PCTP: variants seen among roughly 807,000 people sequenced by gnomAD.
PCTP encodes the protein phosphatidylcholine transfer protein.
Under a neutral mutation model 31.0 loss-of-function variants are expected in PCTP, and 27 were observed. That is an observed-to-expected ratio of 0.87 (90% CI 0.64 to 1.20). The LOEUF is 1.20. Ranked by LOEUF, PCTP falls within the 50% of genes most tolerant of loss-of-function variation. The pLI is 0.00. For missense variants in PCTP, 287 were observed against 268.2 expected (o/e 1.07, Z -0.49); for synonymous variants, 108 against 101.2 (o/e 1.07, Z -0.40).
At chr17:55,826,497 T>G (rs1231752117), downstream of PCTP, among the ~76,000 whole-genome samples, 1 of 151,182 alleles carries the variant, frequency 6.6e-6, no homozygotes, top group African/African-American at 2.4e-5. Flanking sequence ...TGATCTGATC[T>G]AAGCCTGGCA....
intron 3 of PCTP, among the ~76,000 whole-genome samples, chr17:55,819,054 A>G (rs1345051479): frequency 1.4e-5 from 2 of 147,028 alleles, no homozygotes; most frequent in Admixed American, 6.7e-5. Context: ...GAAAGAAGAG[A>G]GGAAAAACGG....
chr17:55,838,831 A>C (rs139636454), intron 5 of PCTP, among the ~76,000 whole-genome samples: 38 of 152,330 alleles, frequency 2.5e-4, no homozygotes, highest in African/African-American at 8.4e-4. Context: ...CAGAGCTCAT[A>C]AATGAGCTAT....
downstream of PCTP, among the ~76,000 whole-genome samples, chr17:55,781,943 A>G (rs1308050875): frequency 6.6e-6 from 1 of 151,838 alleles, no homozygotes; most frequent in Non-Finnish European, 1.5e-5. Flanking sequence ...GTGTACATGT[A>G]TGTGTGGAAT....
At chr17:55,819,888 C>A (rs757844602) in intron 3 of PCTP, among the ~76,000 whole-genome samples, 2 of 152,102 alleles carry the variant, frequency 1.3e-5, no homozygotes. Flanking sequence ...AATTGATTTT[C>A]CATGAAGGAG....
intron 3 of PCTP, among the ~76,000 whole-genome samples, chr17:55,808,547 T>G (rs940045431): frequency 6.6e-6 from 1 of 152,222 alleles, no homozygotes; most frequent in East Asian, 1.9e-4. Flanking sequence ...CTTCTTATGC[T>G]TTATTGCAAT....
At chr17:55,812,056 G>C (rs1481043001) in intron 3 of PCTP, among the ~76,000 whole-genome samples, 1 of 152,188 alleles carries the variant, frequency 6.6e-6, no homozygotes, top group African/African-American at 2.4e-5. Flanking sequence ...TTTTACAGAT[G>C]TGGAAGTAGA....
intron 5 of PCTP, among the ~76,000 whole-genome samples, chr17:55,834,133 C>T (rs1905698725): frequency 6.6e-6 from 1 of 152,198 alleles, no homozygotes; most frequent in African/African-American, 2.4e-5. Flanking sequence ...AGCACCCCTA[C>T]TTTCCTCTTG....
chr17:55,781,573 C>T (rs1436777635), downstream of PCTP, among the ~76,000 whole-genome samples: 1 of 152,174 alleles, frequency 6.6e-6, no homozygotes, highest in Non-Finnish European at 1.5e-5. Context: ...CAGTCAACAA[C>T]AGACTGCATT....
At chr17:55,790,930 C>T (rs1321939067) in intron 3 of PCTP, among the ~76,000 whole-genome samples, 1 of 151,430 alleles carries the variant, frequency 6.6e-6, no homozygotes, top group Non-Finnish European at 1.5e-5. Flanking sequence ...GTAACCAAAA[C>T]AGCATGATAC....
chr17:55,838,993 T>TAACAA (rs540191617), intron 5 of PCTP, among the ~76,000 whole-genome samples: 1 of 152,280 alleles, frequency 6.6e-6, no homozygotes, highest in South Asian at 2.1e-4. Flanking sequence ...GGCTCATGGT[T>TAACAA]AACAAAACCA....
intron 5 of PCTP, among the ~76,000 whole-genome samples, chr17:55,839,999 C>T (rs1714419449): frequency 6.7e-6 from 1 of 149,342 alleles, no homozygotes; most frequent in Non-Finnish European, 1.5e-5. Context: ...TATTCCTGTC[C>T]TTAATTTAGT....
chr17:55,831,710 A>T (rs1166679651), intron 5 of PCTP, among the ~76,000 whole-genome samples: 1 of 152,106 alleles, frequency 6.6e-6, no homozygotes, highest in Non-Finnish European at 1.5e-5. Flanking sequence ...TATTTCCCAA[A>T]TTCCTTTGCA....
rs946718835 is a variant in PCTP at position 55,802,673 on chromosome 17, A to G, written c.317+15019A>G. Among the ~76,000 whole-genome samples the G allele has an allele frequency of 2.6e-5, 4 of 152,322 alleles. 1 individual carries two copies. Among genetic ancestry groups the G allele is most frequent in the African/African-American group, 4.8e-5 (2 of 41,574 alleles). ...CTTTGATAACATTCAACACCCTTTCATGCTAAAAACTCTCAATAAACTAGG... is the reference window on the plus strand; with the variant it reads ...CTTTGATAACATTCAACACCCTTTCGTGCTAAAAACTCTCAATAAACTAGG... On this transcript the variant is annotated intron_variant, in intron 3 of 3. Coordinates refer to the PCTP transcript ENST00000572536.
chr17:55,784,737 A>T (rs1911687874), intron 2 of PCTP, among the ~76,000 whole-genome samples: 1 of 152,250 alleles, frequency 6.6e-6, no homozygotes, highest in African/African-American at 2.4e-5. Flanking sequence ...AGAAAGGTTT[A>T]ACCTCTTCTG....
the PCTP span, among the ~76,000 whole-genome samples, chr17:55,849,518 G>A: frequency 6.6e-6 from 1 of 152,160 alleles, no homozygotes; most frequent in Non-Finnish European, 1.5e-5. Flanking sequence ...AGCTACTCAG[G>A]AGGCTGAGGC....
chr17:55,784,160 A>G (rs538150515), intron 2 of PCTP, among the ~76,000 whole-genome samples: 3 of 152,310 alleles, frequency 2.0e-5, no homozygotes, highest in African/African-American at 7.2e-5. Context: ...ATTTCAAAGC[A>G]GAGCAGCTTG....
At chr17:55,781,879 C>T (rs1911575311), downstream of PCTP, among the ~76,000 whole-genome samples, 1 of 151,992 alleles carries the variant, frequency 6.6e-6, no homozygotes, top group South Asian at 2.1e-4. Flanking sequence ...TGACACATTT[C>T]TCAGTATGTA....
intron 3 of PCTP, among the ~76,000 whole-genome samples, chr17:55,792,110 A>G (rs1470485966): frequency 7.1e-6 from 1 of 140,022 alleles, no homozygotes; most frequent in African/African-American, 2.7e-5. Flanking sequence ...GAGCAATGAG[A>G]ACACATGGAC....
At chr17:55,779,341 A>G (rs911151465), downstream of PCTP, among the ~76,000 whole-genome samples, 1 of 152,240 alleles carries the variant, frequency 6.6e-6, no homozygotes, top group Non-Finnish European at 1.5e-5. Context: ...GGCAGTAACC[A>G]AGTTTGAGGA....
Sources: gnomAD v4.1 joint callset for allele counts (sites outside exome capture counted in the v4.1 genomes callset) on GRCh38, gnomAD v4.1.1 for gene constraint, MANE v1.5 for transcripts, NCBI Gene and HGNC (gene_info 2026-07-23, HGNC 2026-07-21) for gene names.